RABGAP1L: variants seen among roughly 807,000 people sequenced by gnomAD.
The protein encoded by RABGAP1L is RAB GTPase activating protein 1 like, also known as rab GTPase-activating protein 1-like.
RABGAP1L carries 63 observed loss-of-function variants against 137.7 expected under a neutral mutation model. That is an observed-to-expected ratio of 0.46 (90% confidence interval 0.37 to 0.56). The LOEUF (loss-of-function observed/expected upper bound fraction) is 0.56. Ranked by LOEUF, RABGAP1L falls within the 20% of genes least tolerant of loss-of-function variation. The probability of loss-of-function intolerance (pLI) is 0.00; values close to 1 mark genes in which losing one functional copy is unlikely to be tolerated. For missense variants in RABGAP1L, 1,095 were observed against 1,244.0 expected (o/e 0.88, Z 1.80); for synonymous variants, 431 against 433.7 (o/e 0.99, Z 0.08).
At chr1:174,954,760 C>G (rs917860239) in intron 19 of RABGAP1L, among the ~76,000 whole-genome samples, 2 of 152,136 alleles carry the variant, frequency 1.3e-5, no homozygotes, top group African/African-American at 2.4e-5. Flanking sequence ...AGTAGGCTCT[C>G]TCCTCACAAT....
chr1:174,449,761 C>G (rs1455197297), intron 13 of RABGAP1L, among the ~76,000 whole-genome samples: 1 of 152,128 alleles, frequency 6.6e-6, no homozygotes, highest in Non-Finnish European at 1.5e-5. Context: ...GCCAAACAAC[C>G]CCTTTGCTTG....
At chr1:174,633,033 G>A (rs984535913) in intron 13 of RABGAP1L, among the ~76,000 whole-genome samples, 3 of 152,054 alleles carry the variant, frequency 2.0e-5, no homozygotes, top group Admixed American at 1.3e-4. Flanking sequence ...TTCTGGCCAG[G>A]GCAGTCAGGC....
At chr1:174,183,404 G>A (rs974838864) in intron 1 of RABGAP1L, among the ~76,000 whole-genome samples, 1 of 152,130 alleles carries the variant, frequency 6.6e-6, no homozygotes, top group African/African-American at 2.4e-5. Flanking sequence ...GGGATTACAG[G>A]TGTGAGCCAC....
chr1:174,308,189 C>CAT (rs1357738952), intron 11 of RABGAP1L, among the ~76,000 whole-genome samples: 1 of 151,924 alleles, frequency 6.6e-6, no homozygotes, highest in African/African-American at 2.4e-5. Context: ...GCAAAATTCA[C>CAT]ATATATATGT....
chr1:174,247,170 C>T (rs2148581267), intron 5 of RABGAP1L, among the ~76,000 whole-genome samples: 1 of 152,158 alleles, frequency 6.6e-6, no homozygotes, highest in African/African-American at 2.4e-5. Context: ...TCTGATGTGA[C>T]AAGCTGGCTG....
At chr1:174,736,174 TCTA>T (rs1682928896) in intron 17 of RABGAP1L, among the ~76,000 whole-genome samples, 1 of 152,146 alleles carries the variant, frequency 6.6e-6, no homozygotes, top group African/African-American at 2.4e-5. Flanking sequence ...TACCTGTAAG[TCTA>T]TGAGGTTAAA....
chr1:174,621,800 C>G (rs1672502331), intron 13 of RABGAP1L, among the ~76,000 whole-genome samples: 4 of 152,162 alleles, frequency 2.6e-5, no homozygotes, highest in Admixed American at 2.0e-4. Context: ...TGGGCAAGGA[C>G]TTCATGTCTA....
intron 10 of RABGAP1L, among the ~76,000 whole-genome samples, chr1:174,282,260 T>C (rs1675640884): frequency 6.6e-6 from 1 of 152,212 alleles, no homozygotes; most frequent in Non-Finnish European, 1.5e-5. Context: ...TCCAGCAGTA[T>C]ATGTGTGTCC....
At chr1:174,242,076 G>C (rs1671875486) in intron 5 of RABGAP1L, among the ~76,000 whole-genome samples, 1 of 152,192 alleles carries the variant, frequency 6.6e-6, no homozygotes, top group Admixed American at 6.5e-5. Flanking sequence ...ATTGCATTAA[G>C]ATTATTTTAT....
chr1:174,905,339 A>G (rs564806028), intron 19 of RABGAP1L, among the ~76,000 whole-genome samples: 15 of 152,324 alleles, frequency 9.8e-5, no homozygotes, highest in African/African-American at 3.6e-4. Context: ...CAAAATGGCA[A>G]TTTTAAGGAA....
At position 174,239,429 on chromosome 1, in the gene RABGAP1L, T is replaced by G. The variant is rs998944041; in HGVS notation, c.543-2054T>G. Among the ~76,000 whole-genome samples the G allele has an allele frequency of 3.3e-5, 5 of 152,172 alleles. No individual in the cohort carries two copies. In the East Asian group the frequency reaches 9.6e-4, roughly 29 times the overall value. On this transcript the variant is annotated intron_variant, in intron 4 of 25. Transcript: ENST00000681986. ...AGTCATATTTCCCGCCCCAGGACCT[T>G]GGCATATTATCTTTATACTCCCTAA...
chr1:174,449,221 T>A (rs1378334896), intron 13 of RABGAP1L: 1 of 1,527,564 alleles, frequency 6.5e-7, no homozygotes, highest in Admixed American at 2.2e-5. Context: ...GTAAATCAAA[T>A]GTAATCTGAC....
intron 11 of RABGAP1L, among the ~76,000 whole-genome samples, chr1:174,349,525 G>A: frequency 7.7e-6 from 1 of 129,036 alleles, no homozygotes; most frequent in Non-Finnish European, 1.7e-5. Context: ...TTCCCAGTAG[G>A]GGCGGCCGGG....
intron 13 of RABGAP1L, among the ~76,000 whole-genome samples, chr1:174,503,400 G>C (rs1322196051): frequency 6.6e-6 from 1 of 152,120 alleles, no homozygotes; most frequent in African/African-American, 2.4e-5. Context: ...GATGGCTCAT[G>C]CCTGTAATCC....
chr1:174,705,112 G>T lies in RABGAP1L; in HGVS notation c.2169+2856G>T, dbSNP rs189210062. 1.1e-3 allele frequency: 171 copies of T among 151,852 alleles called. 1 individual carries two copies. Among genetic ancestry groups the T allele is most frequent in the African/African-American group, 4.0e-3 (167 of 41,394 alleles). 9.4% of individuals were successfully genotyped at this position (151,852 alleles called of 1,614,324 possible). On this transcript the variant is annotated intron_variant, in intron 17 of 25. Coordinates refer to ENST00000681986, the MANE Select transcript of RABGAP1L (RefSeq NM_001366446.1). ...AAGAGATTAATTTCATACTAGATTG[G>T]TTCTATAGTGTTCATTGTAGAAAAG...
At chr1:174,895,649 G>A (rs1266636973) in intron 19 of RABGAP1L, among the ~76,000 whole-genome samples, 1 of 151,632 alleles carries the variant, frequency 6.6e-6, no homozygotes, top group Admixed American at 6.6e-5. Flanking sequence ...GGGTCCAAGT[G>A]TTCTCATTGT....
At chr1:174,245,075 A>C (rs1571750586) in intron 5 of RABGAP1L, 2 of 152,114 alleles carry the variant, frequency 1.3e-5, no homozygotes, top group Admixed American at 1.3e-4. Flanking sequence ...TGCATGGGAA[A>C]ATTTCTTTTT....
intron 1 of RABGAP1L, among the ~76,000 whole-genome samples, chr1:174,175,623 CTT>C (rs770897839): frequency 1.1e-4 from 14 of 122,318 alleles, no homozygotes; most frequent in African/African-American, 3.2e-4. Context: ...CGCCCGGCTA[CTT>C]TTTTTTTTTT....
chr1:174,660,577 A>G (rs1450218827), intron 14 of RABGAP1L, among the ~76,000 whole-genome samples: 1 of 152,162 alleles, frequency 6.6e-6, no homozygotes, highest in Non-Finnish European at 1.5e-5. Flanking sequence ...TTCATTTAGT[A>G]TTAAAGCCTA....
Sources: gnomAD v4.1 joint callset for allele counts (sites outside exome capture counted in the v4.1 genomes callset) on GRCh38, gnomAD v4.1.1 for gene constraint, MANE v1.5 for transcripts, NCBI Gene and HGNC (gene_info 2026-07-23, HGNC 2026-07-21) for gene names.